EHMT1: variants seen among roughly 807,000 people sequenced by gnomAD.
EHMT1 encodes the protein histone-lysine N-methyltransferase EHMT1.
EHMT1 carries 15 observed loss-of-function variants against 147.2 expected under a neutral mutation model. The observed-to-expected ratio is 0.10, with a 90% CI of 0.07 to 0.16. The LOEUF (loss-of-function observed/expected upper bound fraction) is 0.16, where lower values mean the gene tolerates loss of function less well. Among genes scored for constraint, EHMT1 ranks in the 10% least tolerant of loss-of-function variants. The pLI is 1.00. For missense variants in EHMT1, 1,587 were observed against 1,772.4 expected, an observed-to-expected ratio of 0.90 and a Z score of 1.88; for synonymous variants, 795 against 709.6, an observed-to-expected ratio of 1.12 and a Z score of -1.91.
rs541975844 is a variant in EHMT1 at position 137,668,159 on chromosome 9, C to G, written c.22-42808C>G. ...CAAAAGGAAGAAGGGACGCACTGAT[C>G]GAGAAGACAAGGAGTGCTGATGGCT... is the stretch of plus-strand genomic sequence containing the variant. On this transcript the variant is annotated intron_variant, in intron 1 of 26. Coordinates refer to ENST00000460843, the MANE Select transcript of EHMT1 (RefSeq NM_024757.5). Among the ~76,000 whole-genome samples the G allele has an allele frequency of 3.3e-5, 5 of 152,284 alleles. No individual in the cohort carries two copies. The South Asian group carries it at 6.2e-4, about 19-fold the overall frequency.
intron 1 of EHMT1, among the ~76,000 whole-genome samples, chr9:137,681,496 G>A (rs1941933292): frequency 6.6e-6 from 1 of 152,114 alleles, no homozygotes; most frequent in African/African-American, 2.4e-5. Context: ...AAATTCCTTC[G>A]TTATTTGTAG....
intron 1 of EHMT1, among the ~76,000 whole-genome samples, chr9:137,624,926 A>G (rs903332395): frequency 7.6e-4 from 113 of 147,740 alleles, no homozygotes; most frequent in African/African-American, 2.8e-3. Context: ...CTTTTCACCC[A>G]GGCTGGAGTG....
In EHMT1 at chr9:137,816,043, G is replaced by A. The variant is rs139394414; in HGVS notation, c.3355G>A (p.Val1119Ile). The A allele has an allele frequency of 4.9e-5, 79 of 1,612,506 alleles. 1 individual carries two copies. In the African/African-American group the frequency reaches 6.3e-4, roughly 13 times the overall value. The change falls in exon 23 of 27, where the codon GTC (valine) becomes ATC (isoleucine). Residue 1119 changes from valine to isoleucine, a missense_variant. Physicochemically the swap from Val to Ile is conservative, Grantham distance 29. Around this residue, in one of 7 missense-constraint regions of EHMT1, gnomAD observed 156 missense variants for 252.5 expected, o/e 0.62. Transcript: ENST00000460843. ...CSCWRNCRNRVVQNGLRARLQ... is the reference protein window; with the variant it reads ...CSCWRNCRNRIVQNGLRARLQ... Reference sequence around the variant, plus strand: ...CTGCTGGAGGAACTGCCGAAATCGCGTCGTACAGAATGGTCTCAGGTGAGA... The same window carrying A: ...CTGCTGGAGGAACTGCCGAAATCGCATCGTACAGAATGGTCTCAGGTGAGA...
intron 18 of EHMT1, among the ~76,000 whole-genome samples, chr9:137,811,170 G>A (rs937786285): frequency 2.0e-5 from 3 of 152,068 alleles, no homozygotes; most frequent in Non-Finnish European, 4.4e-5. Flanking sequence ...TATAATTCTG[G>A]ATGACCTTTT....
At chr9:137,815,582 A>C (rs1015118033) in intron 22 of EHMT1, 3 of 357,688 alleles carry the variant, frequency 8.4e-6, no homozygotes, top group African/African-American at 6.4e-5. Flanking sequence ...GGAGTGCAGG[A>C]GGGTGCAGGA....
At chr9:137,651,785 G>A (rs1010773296) in intron 1 of EHMT1, among the ~76,000 whole-genome samples, 3 of 152,034 alleles carry the variant, frequency 2.0e-5, no homozygotes, top group Non-Finnish European at 4.4e-5. Flanking sequence ...ACAGCGAGAC[G>A]CCGTCTCAAG....
chr9:137,805,750 C>T (rs1013669823), intron 18 of EHMT1, among the ~76,000 whole-genome samples: 5 of 152,076 alleles, frequency 3.3e-5, no homozygotes, highest in African/African-American at 1.2e-4. Flanking sequence ...GTAACCTCCG[C>T]CTCCCGGGTT....
At chr9:137,756,564 G>GC (rs1235585521) in intron 8 of EHMT1, among the ~76,000 whole-genome samples, 3 of 152,138 alleles carry the variant, frequency 2.0e-5, no homozygotes, top group African/African-American at 4.8e-5. Context: ...GGACGTGTGA[G>GC]CCCCCCGGGA....
chr9:137,660,220 A>G (rs1026265706), intron 1 of EHMT1, among the ~76,000 whole-genome samples: 2 of 151,860 alleles, frequency 1.3e-5, no homozygotes, highest in Non-Finnish European at 2.9e-5. Flanking sequence ...CTGTGGTCCT[A>G]GCTAATAAGG....
Position 137,834,519 on chromosome 9 carries a change from G to T in EHMT1, c.3711G>T (p.Gln1237His). ...FSTRLIEAGE[Q>H]LGFDYGERFW... is the part of the protein sequence containing the mutation. ...CCCGCCTGATCGAGGCCGGCGAGCAGCTCGGGTACGCACCGCCCCGGCCCC... is the reference window on the plus strand; with the variant it reads ...CCCGCCTGATCGAGGCCGGCGAGCATCTCGGGTACGCACCGCCCCGGCCCC... Residue 1237 changes from glutamine to histidine, a missense_variant, in exon 26 of 27, where the codon CAG becomes CAT. Around this residue, in one of 7 missense-constraint regions of EHMT1, gnomAD observed 141 missense variants for 150.8 expected, o/e 0.94. Coordinates refer to ENST00000460843, the MANE Select transcript of EHMT1 (RefSeq NM_024757.5). The T allele has an allele frequency of 1.2e-6, 2 of 1,610,418 alleles. No individual in the cohort carries two copies. Among genetic ancestry groups the T allele is most frequent in the Non-Finnish European group, 8.5e-7 (1 of 1,179,694 alleles).
chr9:137,780,864 G>A (rs1179442850), intron 14 of EHMT1, among the ~76,000 whole-genome samples: 3 of 100,724 alleles, frequency 3.0e-5, no homozygotes, highest in South Asian at 4.8e-4. Context: ...GAGACGTGTG[G>A]TGATGACGCC....
At chr9:137,803,539 C>T (rs890700150) in intron 18 of EHMT1, among the ~76,000 whole-genome samples, 6 of 152,194 alleles carry the variant, frequency 3.9e-5, no homozygotes, top group Non-Finnish European at 5.9e-5. Context: ...TGTCTGTTTA[C>T]CCTTCACCTA....
chr9:137,774,500 C>T (rs1950806063), intron 10 of EHMT1, among the ~76,000 whole-genome samples: 2 of 124,820 alleles, frequency 1.6e-5, no homozygotes, highest in East Asian at 2.5e-4. Context: ...TGGGTATGGT[C>T]GCGCCTGGCC....
At chr9:137,632,287 G>A (rs1382884467) in intron 1 of EHMT1, among the ~76,000 whole-genome samples, 1 of 152,210 alleles carries the variant, frequency 6.6e-6, no homozygotes, top group East Asian at 1.9e-4. Context: ...CAGTAGAATG[G>A]TGTTCGTTCC....
intron 1 of EHMT1, among the ~76,000 whole-genome samples, chr9:137,642,795 T>C (rs1202140530): frequency 6.6e-6 from 1 of 152,262 alleles, no homozygotes; most frequent in African/African-American, 2.4e-5. Context: ...AAACAAATTA[T>C]AAATTAACAA....
intron 14 of EHMT1, among the ~76,000 whole-genome samples, chr9:137,781,254 G>GACGACGCTGGGACGTGTGA (rs1564748959): frequency 4.1e-5 from 2 of 49,154 alleles, no homozygotes; most frequent in East Asian, 4.7e-4. Flanking sequence ...GGGACGTGTG[G>GACGACGCTGGGACGTGTGA]TGACGACGCT....
intron 25 of EHMT1, among the ~76,000 whole-genome samples, chr9:137,833,398 G>C (rs1011084867): frequency 1.3e-5 from 2 of 152,230 alleles, no homozygotes; most frequent in Non-Finnish European, 2.9e-5. Flanking sequence ...GGGGTTGGGC[G>C]TGCCGGGCCT....
At chr9:137,646,381 A>G in intron 1 of EHMT1, 1 of 985,524 alleles carries the variant, frequency 1.0e-6, no homozygotes, top group Non-Finnish European at 1.2e-6. Context: ...TGCGGGCAAG[A>G]ATCCTGTGAC....
intron 15 of EHMT1, among the ~76,000 whole-genome samples, chr9:137,783,384 G>A (rs1055093665): frequency 1.3e-5 from 2 of 152,198 alleles, no homozygotes; most frequent in African/African-American, 2.4e-5. Context: ...CTTAACATGT[G>A]TGGTCACATT....
Sources: allele counts gnomAD v4.1 joint callset (sites outside exome capture counted in the v4.1 genomes callset), GRCh38; gene constraint gnomAD v4.1.1; regional missense constraint gnomAD v4.1.1; transcripts MANE v1.5; gene names NCBI Gene and HGNC (gene_info 2026-07-23, HGNC 2026-07-21).